Variants in SLC8A1 observed in about 807,000 individuals in gnomAD.
SLC8A1 encodes solute carrier family 8 member A1, also known as sodium/calcium exchanger 1.
A neutral mutation model predicts 68.3 loss-of-function variants in SLC8A1; 18 were observed. The observed-to-expected ratio is 0.26, with a 90% CI of 0.18 to 0.39. The LOEUF (loss-of-function observed/expected upper bound fraction) is 0.39. Among genes scored for constraint, SLC8A1 ranks in the 10% least tolerant of loss-of-function variants. SLC8A1 has a pLI of 1.00. For missense variants in SLC8A1, 985 were observed against 1,156.7 expected, an observed-to-expected ratio of 0.85 and a Z score of 2.15; for synonymous variants, 475 against 415.5, an observed-to-expected ratio of 1.14 and a Z score of -1.74.
chr2:40,177,941 G>T, intron 2 of SLC8A1: 2 of 874,608 alleles, frequency 2.3e-6, no homozygotes, highest in African/African-American at 1.7e-5. Flanking sequence ...ATGTTACTGT[G>T]ATGTTATGGA....
At chr2:40,134,091 G>GTTTT (rs1553348355) in intron 7 of SLC8A1, among the ~76,000 whole-genome samples, 50 of 50,130 alleles carry the variant, frequency 1.0e-3, no homozygotes, top group East Asian at 8.2e-3. Flanking sequence ...TTGTTTGTTT[G>GTTTT]TTTGTGTTTT....
intron 6 of SLC8A1, among the ~76,000 whole-genome samples, chr2:40,147,628 A>G (rs1382045128): frequency 6.6e-6 from 1 of 152,192 alleles, no homozygotes; most frequent in Non-Finnish European, 1.5e-5. Context: ...AGCCTCCTGT[A>G]GTGTGGGAAG....
intron 1 of SLC8A1, among the ~76,000 whole-genome samples, chr2:40,442,692 G>A (rs1421101914): frequency 3.3e-5 from 5 of 152,196 alleles, no homozygotes; most frequent in Admixed American, 2.6e-4. Context: ...GGAATACAGT[G>A]TGGCAATTCC....
chr2:40,502,275 A>G (rs1003861668), intron 1 of SLC8A1, among the ~76,000 whole-genome samples: 6 of 152,068 alleles, frequency 3.9e-5, no homozygotes, highest in Non-Finnish European at 8.8e-5. Context: ...AACCCACTGA[A>G]GAAGGCACAA....
chr2:40,124,798 C>T (rs764075697), intron 7 of SLC8A1, among the ~76,000 whole-genome samples: 3 of 152,220 alleles, frequency 2.0e-5, no homozygotes, highest in Non-Finnish European at 2.9e-5. Context: ...TAACATGATA[C>T]TGTGCAACTG....
intron 2 of SLC8A1, among the ~76,000 whole-genome samples, chr2:40,265,202 T>C (rs1213539112): frequency 1.3e-5 from 2 of 152,178 alleles, no homozygotes; most frequent in East Asian, 3.8e-4. Context: ...GAGTAAGAAA[T>C]AGATCTTTAT....
At chr2:40,235,723 T>C (rs2060274936) in intron 2 of SLC8A1, among the ~76,000 whole-genome samples, 1 of 151,430 alleles carries the variant, frequency 6.6e-6, no homozygotes, top group African/African-American at 2.4e-5. Context: ...TCCTGCTTTC[T>C]CTTGTGGGCA....
intron 1 of SLC8A1, among the ~76,000 whole-genome samples, chr2:40,499,921 T>C (rs1260297983): frequency 6.6e-6 from 1 of 152,090 alleles, no homozygotes; most frequent in East Asian, 1.9e-4. Flanking sequence ...CTGAAGTCCA[T>C]GGAGCCACAA....
intron 6 of SLC8A1, among the ~76,000 whole-genome samples, chr2:40,148,818 A>G (rs2042917807): frequency 6.6e-6 from 1 of 152,184 alleles, no homozygotes; most frequent in African/African-American, 2.4e-5. Context: ...GCTTGAGGGA[A>G]ATTAGCTGAT....
intron 7 of SLC8A1, among the ~76,000 whole-genome samples, chr2:40,137,525 C>G (rs1008279790): frequency 2.0e-5 from 3 of 152,122 alleles, no homozygotes; most frequent in Non-Finnish European, 1.5e-5. Flanking sequence ...AAAGTGGACT[C>G]CAACATATTT....
At position 40,310,535 on chromosome 2, in the gene SLC8A1, G is replaced by A. The variant is rs150604786; in HGVS notation, c.1808+117938C>T. ...AAGCAGCCAAGGATCTGTAGTACTC[G>A]GGTCTGTAGCAGCTGCCCTGACTCA... On this transcript the variant is annotated intron_variant, in intron 2 of 7. Coordinates refer to ENST00000406785, the Ensembl canonical transcript of SLC8A1. Among the ~76,000 whole-genome samples, 776 of 152,252 alleles carry A rather than the reference G, an allele frequency of 5.1e-3. 9 individuals carry two copies. The highest frequency in any genetic ancestry group is 0.017 in the African/African-American group (710 of 41,552).
intron 2 of SLC8A1, among the ~76,000 whole-genome samples, chr2:40,399,218 A>C (rs1687926123): frequency 6.6e-6 from 1 of 152,198 alleles, no homozygotes; most frequent in Admixed American, 6.5e-5. Context: ...TCCCAGCAAG[A>C]AATCTAGACA....
chr2:40,128,824 CAAAAT>C (rs922239015), intron 7 of SLC8A1, among the ~76,000 whole-genome samples: 79 of 152,244 alleles, frequency 5.2e-4, no homozygotes, highest in African/African-American at 1.9e-3. Context: ...ATGAATAAAA[CAAAAT>C]AATTTCAAAA....
chr2:40,205,372 G>A (rs1371943899), intron 2 of SLC8A1, among the ~76,000 whole-genome samples: 1 of 151,982 alleles, frequency 6.6e-6, no homozygotes. Context: ...ATGCTTCAAG[G>A]AACTTAAGGT....
At chr2:40,183,178 A>G (rs1024550039) in intron 2 of SLC8A1, among the ~76,000 whole-genome samples, 9 of 152,200 alleles carry the variant, frequency 5.9e-5, no homozygotes, top group African/African-American at 1.9e-4. Context: ...TTCCAAGGTC[A>G]CAAAGTGAGT....
At chr2:40,393,157 A>G (rs906657320) in intron 2 of SLC8A1, among the ~76,000 whole-genome samples, 1 of 152,156 alleles carries the variant, frequency 6.6e-6, no homozygotes. Flanking sequence ...CATGTCAAGA[A>G]CAAAGTTACA....
At chr2:40,122,597 A>G (rs1376633420) in intron 7 of SLC8A1, among the ~76,000 whole-genome samples, 4 of 152,094 alleles carry the variant, frequency 2.6e-5, no homozygotes, top group Non-Finnish European at 4.4e-5. Flanking sequence ...TGCTAGCCCC[A>G]CCTTGAGTTT....
chr2:40,309,501 A>C (rs1037994196), intron 2 of SLC8A1, among the ~76,000 whole-genome samples: 3 of 122,266 alleles, frequency 2.5e-5, no homozygotes, highest in Non-Finnish European at 5.6e-5. Context: ...TGAATATTTT[A>C]CTTTTTTTTT....
chr2:40,397,393 T>C (rs971106356), intron 2 of SLC8A1, among the ~76,000 whole-genome samples: 1 of 152,198 alleles, frequency 6.6e-6, no homozygotes, highest in African/African-American at 2.4e-5. Flanking sequence ...TCTCATTCCA[T>C]AGTCAAAGCT....
Sources: gnomAD v4.1 joint callset for allele counts (sites outside exome capture counted in the v4.1 genomes callset) on GRCh38, gnomAD v4.1.1 for gene constraint, MANE v1.5 for transcripts, NCBI Gene and HGNC (gene_info 2026-07-23, HGNC 2026-07-21) for gene names.